AK5: variants seen among roughly 807,000 people sequenced by gnomAD.
The protein encoded by AK5 is adenylate kinase 5.
AK5 carries 27 observed loss-of-function variants against 69.5 expected under a neutral mutation model. The ratio of observed to expected loss-of-function variants is 0.39; its 90% CI spans 0.29 to 0.54. The LOEUF is 0.54. Ranked by LOEUF, AK5 falls within the 20% of genes least tolerant of loss-of-function variation. The pLI is 0.71. For synonymous variants in AK5, 260 were observed against 244.4 expected, an observed-to-expected ratio of 1.06 and a Z score of -0.60; for missense variants, 531 against 700.4, an observed-to-expected ratio of 0.76 and a Z score of 2.73.
At chr1:77,402,330 A>G (rs931989205) in intron 6 of AK5, among the ~76,000 whole-genome samples, 3 of 152,060 alleles carry the variant, frequency 2.0e-5, no homozygotes, top group Non-Finnish European at 4.4e-5. Context: ...GTTTTAGGGT[A>G]CATGTGCACA....
At chr1:77,380,846 T>C (rs1647580070) in intron 6 of AK5, among the ~76,000 whole-genome samples, 2 of 152,102 alleles carry the variant, frequency 1.3e-5, no homozygotes, top group Non-Finnish European at 2.9e-5. Context: ...GGGTGAAGTG[T>C]GGGGACCAAG....
chr1:77,526,766 G>A (rs951528873), intron 12 of AK5, among the ~76,000 whole-genome samples: 2 of 150,910 alleles, frequency 1.3e-5, no homozygotes, highest in East Asian at 1.9e-4. Flanking sequence ...GAGCCACCTC[G>A]CCTGGCCAAG....
intron 8 of AK5, among the ~76,000 whole-genome samples, chr1:77,454,474 A>C (rs1403420537): frequency 6.6e-6 from 1 of 152,184 alleles, no homozygotes; most frequent in Non-Finnish European, 1.5e-5. Flanking sequence ...TTATTTCTAG[A>C]TATTTTAATT....
At chr1:77,372,273 A>T (rs373757446) in intron 6 of AK5, among the ~76,000 whole-genome samples, 82 of 152,356 alleles carry the variant, frequency 5.4e-4, no homozygotes, top group African/African-American at 1.7e-3. Context: ...ATAGAAATGG[A>T]TGCCATTTTC....
intron 10 of AK5, among the ~76,000 whole-genome samples, chr1:77,506,255 G>GT (rs1219208159): frequency 2.8e-5 from 4 of 143,122 alleles, no homozygotes; most frequent in East Asian, 2.0e-4. Flanking sequence ...TTGGTTGGTT[G>GT]TTTTTTTTCA....
intron 8 of AK5, among the ~76,000 whole-genome samples, chr1:77,457,873 AC>A (rs1345955251): frequency 1.3e-5 from 2 of 152,164 alleles, no homozygotes; most frequent in African/African-American, 4.8e-5. Flanking sequence ...ATAACAAATT[AC>A]CACAAACTTA....
chr1:77,302,885 A>G (rs547238804), intron 5 of AK5, among the ~76,000 whole-genome samples: 13 of 152,270 alleles, frequency 8.5e-5, no homozygotes, highest in African/African-American at 3.1e-4. Context: ...CTGCCTCCCA[A>G]GTTATCACAG....
intron 8 of AK5, among the ~76,000 whole-genome samples, chr1:77,427,665 A>C (rs1394963053): frequency 6.6e-6 from 1 of 152,194 alleles, no homozygotes; most frequent in Non-Finnish European, 1.5e-5. Context: ...TTACAAAAAA[A>C]GAAAACTGCA....
chr1:77,324,591 G>A (rs182413213), intron 5 of AK5, among the ~76,000 whole-genome samples: 123 of 152,044 alleles, frequency 8.1e-4, no homozygotes, highest in African/African-American at 2.8e-3. Context: ...CACCTGAATG[G>A]GGCCACACCC....
At chr1:77,448,931 A>G (rs974270802) in intron 8 of AK5, among the ~76,000 whole-genome samples, 3 of 152,172 alleles carry the variant, frequency 2.0e-5, no homozygotes, top group Admixed American at 6.5e-5. Context: ...ACAAGAATTG[A>G]GGTTTGGGAA....
chr1:77,368,341 ATATATATATGTTG>A (rs140064621), intron 6 of AK5, among the ~76,000 whole-genome samples: 1,415 of 131,504 alleles, frequency 0.011, 24 homozygotes, highest in African/African-American at 0.038. Context: ...TATATATGTT[ATATATATATGTTG>A]TGTATATATA....
chr1:77,392,824 A>G (rs1648576841), intron 6 of AK5, among the ~76,000 whole-genome samples: 1 of 151,812 alleles, frequency 6.6e-6, no homozygotes. Flanking sequence ...TGTTAATGTC[A>G]TTGTTGTAGT....
chr1:77,470,850 TA>T (rs1557615596), intron 8 of AK5, among the ~76,000 whole-genome samples: 576 of 14,836 alleles, frequency 0.039, 88 homozygotes, highest in Admixed American at 0.067. Context: ...TATATATATA[TA>T]TATATATATA....
At chr1:77,452,249 CTTAATT>C (rs1470796159) in intron 8 of AK5, among the ~76,000 whole-genome samples, 1 of 152,056 alleles carries the variant, frequency 6.6e-6, no homozygotes, top group African/African-American at 2.4e-5. Flanking sequence ...GTATGTCTTA[CTTAATT>C]TTAATGAATC....
chr1:77,292,356 A>G (rs903952038), intron 2 of AK5, among the ~76,000 whole-genome samples: 7 of 152,204 alleles, frequency 4.6e-5, no homozygotes, highest in Non-Finnish European at 7.3e-5. Context: ...TGAAGCTAAA[A>G]TGAATCTAGT....
chr1:77,482,788 G>T (rs185843213), intron 8 of AK5, among the ~76,000 whole-genome samples: 2 of 150,044 alleles, frequency 1.3e-5, no homozygotes, highest in Admixed American at 1.3e-4. Flanking sequence ...AAAAAAAATG[G>T]TAGTTGCTAC....
In AK5 at chr1:77,495,265, T is replaced by A. The variant is rs140838148; in HGVS notation, c.1147+8913T>A. Among the ~76,000 whole-genome samples, 448 of 152,298 alleles carry A rather than the reference T, an allele frequency of 2.9e-3. 6 individuals carry two copies. Among genetic ancestry groups the A allele is most frequent in the African/African-American group, 0.01 (429 of 41,554 alleles). On this transcript the variant is annotated intron_variant, in intron 10 of 13. Transcript: ENST00000354567. ...CAAGTTTCTCAGACATCAAAGCCCA[T>A]GCTCTAGAAGTTTCTGTAAAAGCAA...
intron 6 of AK5, among the ~76,000 whole-genome samples, chr1:77,353,727 T>C (rs1350583713): frequency 2.0e-5 from 3 of 152,160 alleles, no homozygotes; most frequent in Non-Finnish European, 4.4e-5. Context: ...CTTGTCTGTG[T>C]TTTTGCCTCC....
intron 3 of AK5, among the ~76,000 whole-genome samples, chr1:77,294,626 A>G (rs2100656313): frequency 6.6e-6 from 1 of 152,314 alleles, no homozygotes. Flanking sequence ...AGTGTTTTAC[A>G]TAGCACATAA....
Sources: gnomAD v4.1 joint callset for allele counts (sites outside exome capture counted in the v4.1 genomes callset) on GRCh38, gnomAD v4.1.1 for gene constraint, MANE v1.5 for transcripts, NCBI Gene and HGNC (gene_info 2026-07-23, HGNC 2026-07-21) for gene names.